Variants in UBR1 observed in about 807,000 individuals in gnomAD.
The protein encoded by UBR1 is E3 ubiquitin-protein ligase UBR1.
A neutral mutation model predicts 242.1 loss-of-function variants in UBR1; 102 were observed. That is an observed-to-expected ratio of 0.42 (90% confidence interval 0.36 to 0.50). UBR1 has a LOEUF of 0.50. Ranked by LOEUF, UBR1 falls within the 20% of genes least tolerant of loss-of-function variation. The pLI is 0.01. For synonymous variants in UBR1, 675 were observed against 684.8 expected, an observed-to-expected ratio of 0.99 and a Z score of 0.22; for missense variants, 1,772 against 2,101.8, an observed-to-expected ratio of 0.84 and a Z score of 3.07.
intron 45 of UBR1, 140 bp from the exon 46 acceptor site, chr15:42,950,503 G>A: frequency 1.4e-6 from 1 of 699,748 alleles, no homozygotes; most frequent in Non-Finnish European, 2.6e-6. Flanking sequence ...CAGACAAATA[G>A]ACTAAATTAT....
intron 22 of UBR1, among the ~76,000 whole-genome samples, 168 bp from the exon 23 acceptor site, chr15:43,026,831 G>A (rs1265315013): frequency 6.6e-6 from 1 of 152,096 alleles, no homozygotes; most frequent in Non-Finnish European, 1.5e-5. Context: ...AACCTACATT[G>A]TGAACACAAA....
At chr15:43,061,298 C>T (rs1465558552) in intron 6 of UBR1, among the ~76,000 whole-genome samples, 1 of 152,208 alleles carries the variant, frequency 6.6e-6, no homozygotes, top group African/African-American at 2.4e-5. Context: ...CAGAGAGGAC[C>T]TACAGACCTT....
intron 3 of UBR1, among the ~76,000 whole-genome samples, chr15:43,076,823 G>C (rs2033906880): frequency 8.4e-6 from 1 of 119,062 alleles, no homozygotes; most frequent in African/African-American, 3.0e-5. Flanking sequence ...GGGAGGTGAG[G>C]GGCGCCTCTG....
chr15:42,959,916 A>G (rs1410137119), intron 43 of UBR1, among the ~76,000 whole-genome samples: 4 of 152,214 alleles, frequency 2.6e-5, no homozygotes, highest in Non-Finnish European at 4.4e-5. Flanking sequence ...GGAAAATGGT[A>G]CTAGTGTTGG....
At chr15:43,091,292 G>A (rs1005972589) in intron 1 of UBR1, among the ~76,000 whole-genome samples, 2 of 152,070 alleles carry the variant, frequency 1.3e-5, no homozygotes, top group Admixed American at 6.6e-5. Context: ...CACATTATAG[G>A]TTGGGCATCC....
chr15:43,086,373 G>T, intron 1 of UBR1, 133 bp from the exon 2 acceptor site: 4 of 956,788 alleles, frequency 4.2e-6, no homozygotes, highest in East Asian at 3.3e-5. Flanking sequence ...AATACAGAAG[G>T]AAAGTGGGTG....
Position 43,043,505 on chromosome 15 carries a change from A to G in UBR1, c.1669-110T>C, listed in dbSNP as rs570358805. ...GGCCTAGGCTGGAGTACAGTGGCAT[A>G]ATCACAGCTCACTGCAGCCTCAACC... On this transcript the variant is annotated intron_variant, in intron 14 of 46. Transcript: ENST00000290650. 5.0e-6 allele frequency: 5 copies of G among 1,003,016 alleles called. No homozygotes were observed. The East Asian group carries it at 1.3e-4, about 26-fold the overall frequency. 62.1% of individuals were successfully genotyped at this position (1,003,016 alleles called of 1,614,324 possible). A position where few individuals can be genotyped will look rare whatever the true frequency, so the allele number is the denominator to read the frequency against.
At chr15:42,968,558 G>A (rs1022119786) in intron 40 of UBR1, among the ~76,000 whole-genome samples, 2 of 151,782 alleles carry the variant, frequency 1.3e-5, no homozygotes, top group African/African-American at 2.4e-5. Flanking sequence ...TATTATGCAC[G>A]TGCAGAACGT....
intron 4 of UBR1, 57 bp downstream of exon 4, chr15:43,074,922 A>T: frequency 3.0e-6 from 4 of 1,334,472 alleles, no homozygotes; most frequent in Non-Finnish European, 4.3e-6. Flanking sequence ...ATTTATTCTT[A>T]TCTAATCTCA....
chr15:43,042,434 C>T (rs1445261240), intron 15 of UBR1, among the ~76,000 whole-genome samples: 3 of 152,074 alleles, frequency 2.0e-5, no homozygotes, highest in Admixed American at 6.5e-5. Context: ...CACAAAAGGA[C>T]AAATACTGTT....
rs775505845 is a variant in UBR1, at chr15:42,944,194, T to A, written c.*1135A>T. The A allele has an allele frequency of 2.0e-5, 3 of 152,574 alleles. No individual in the cohort carries two copies. Among genetic ancestry groups the A allele is most frequent in the Admixed American group, 2.0e-4 (3 of 15,282 alleles). 9.5% of individuals were successfully genotyped at this position (152,574 alleles called of 1,614,324 possible). A position where few individuals can be genotyped will look rare whatever the true frequency, so the allele number is the denominator to read the frequency against. Reference sequence around the variant, plus strand: ...GCTGTTTTATATCACAATCTCTTGATACAAAAAACAAAAGCCAGGAACCAA... The same window carrying A: ...GCTGTTTTATATCACAATCTCTTGAAACAAAAAACAAAAGCCAGGAACCAA... On this transcript the variant is annotated 3_prime_UTR_variant, in exon 47 of 47. Transcript: ENST00000290650.
intron 6 of UBR1, among the ~76,000 whole-genome samples, chr15:43,067,215 G>A (rs992994465): frequency 6.6e-6 from 1 of 151,974 alleles, no homozygotes; most frequent in East Asian, 1.9e-4. Flanking sequence ...TTAGCTGTTC[G>A]TACCCTTTTG....
At position 42,988,527 on chromosome 15, in the gene UBR1, C is replaced by T. The variant is rs1256561921; in HGVS notation, c.3997+292G>A. ...CAAACTCCTGCTCTCAAGTTATCCT[C>T]CCACCTCAGCCTCCCAAAGCTCAGC... On this transcript the variant is annotated intron_variant, in intron 35 of 46. Coordinates refer to ENST00000290650, the MANE Select transcript of UBR1 (RefSeq NM_174916.3). 10 of 385,530 alleles carry T rather than the reference C, an allele frequency of 2.6e-5. No individual in the cohort carries two copies. The East Asian group carries it at 5.9e-4, about 23-fold the overall frequency. 23.9% of individuals were successfully genotyped at this position (385,530 alleles called of 1,614,324 possible). A position where few individuals can be genotyped will look rare whatever the true frequency, so the allele number is the denominator to read the frequency against.
At chr15:43,035,807 A>C (rs1294392736) in intron 19 of UBR1, among the ~76,000 whole-genome samples, 1 of 151,574 alleles carries the variant, frequency 6.6e-6, no homozygotes, top group Non-Finnish European at 1.5e-5. Context: ...TTTTTGTATA[A>C]GGTGTAAGGA....
chr15:42,999,275 T>C (rs968734648), intron 32 of UBR1, among the ~76,000 whole-genome samples: 8 of 152,138 alleles, frequency 5.3e-5, no homozygotes, highest in Non-Finnish European at 7.4e-5. Context: ...GCTTAGAATT[T>C]TTTTCTCCCA....
At chr15:43,022,254 C>A (rs1426964269) in intron 26 of UBR1, among the ~76,000 whole-genome samples, 2 of 151,954 alleles carry the variant, frequency 1.3e-5, no homozygotes, top group Non-Finnish European at 2.9e-5. Context: ...TTAAAACTAT[C>A]CTTTTCTTCC....
chr15:43,023,698 A>G (rs1298343042), intron 25 of UBR1, among the ~76,000 whole-genome samples: 1 of 151,652 alleles, frequency 6.6e-6, no homozygotes, highest in Admixed American at 6.6e-5. Flanking sequence ...AGTGGCAAAA[A>G]TTTTGGTGTT....
chr15:42,965,201 C>G (rs141651832), intron 41 of UBR1, among the ~76,000 whole-genome samples: 1 of 152,146 alleles, frequency 6.6e-6, no homozygotes, highest in Non-Finnish European at 1.5e-5. Flanking sequence ...GATAAAGAAG[C>G]TGATAGCCAG....
intron 4 of UBR1, among the ~76,000 whole-genome samples, chr15:43,072,960 CGA>C: frequency 6.6e-6 from 1 of 151,934 alleles, no homozygotes; most frequent in Non-Finnish European, 1.5e-5. Context: ...TCCAGGAGTT[CGA>C]ATCAGCCTGG....
Sources: gnomAD v4.1 joint callset for allele counts (sites outside exome capture counted in the v4.1 genomes callset) on GRCh38, gnomAD v4.1.1 for gene constraint, MANE v1.5 for transcripts, NCBI Gene and HGNC (gene_info 2026-07-23, HGNC 2026-07-21) for gene names.